TMC1: variants seen among roughly 807,000 people sequenced by gnomAD.
TMC1 encodes transmembrane channel-like protein 1.
A neutral mutation model predicts 105.8 loss-of-function variants in TMC1; 84 were observed. The ratio of observed to expected loss-of-function variants is 0.79; its 90% CI spans 0.67 to 0.95. TMC1 has a LOEUF of 0.95. Among genes scored for constraint, TMC1 ranks in the 40% least tolerant of loss-of-function variants. The pLI is 0.00. For missense variants in TMC1, 817 were observed against 914.1 expected (o/e 0.89, Z 1.37); for synonymous variants, 315 against 311.5 (o/e 1.01, Z -0.12).
At chr9:72,569,172 T>C (rs1824223632) in intron 1 of TMC1, among the ~76,000 whole-genome samples, 1 of 152,236 alleles carries the variant, frequency 6.6e-6, no homozygotes, top group African/African-American at 2.4e-5. Context: ...CTGTATACTT[T>C]AAATCATCTT....
At chr9:72,606,673 C>CT (rs552560383) in intron 2 of TMC1, among the ~76,000 whole-genome samples, 10 of 151,982 alleles carry the variant, frequency 6.6e-5, no homozygotes, top group African/African-American at 2.2e-4. Context: ...AAAATACTTA[C>CT]TTTTTTTGTC....
intron 23 of TMC1, among the ~76,000 whole-genome samples, chr9:72,834,877 T>C (rs1829096776): frequency 6.6e-6 from 1 of 152,184 alleles, no homozygotes; most frequent in South Asian, 2.1e-4. Context: ...GCTTGACTGC[T>C]TCTTAACAGC....
At chr9:72,719,216 A>G (rs1338552861) in intron 8 of TMC1, among the ~76,000 whole-genome samples, 2 of 152,042 alleles carry the variant, frequency 1.3e-5, no homozygotes, top group African/African-American at 4.8e-5. Context: ...GAAACTTCAC[A>G]TTTGGTTGGA....
rs376422017 is a variant in TMC1 at position 72,820,924 on chromosome 9, G to A, written c.1846G>A (p.Val616Ile). The A allele has an allele frequency of 7.1e-5, 114 of 1,614,112 alleles. No homozygotes were observed. Among genetic ancestry groups the A allele is most frequent in the Middle Eastern group, 1.6e-4 (1 of 6,062 alleles). The change falls in exon 20 of 24, where the codon GTT becomes ATT. Residue 616 changes from valine to isoleucine, a missense_variant. Coordinates refer to ENST00000297784, the MANE Select transcript of TMC1 (RefSeq NM_138691.3). ...HTSMYFQCWA[V>I]MCCNVPEARV... The stretch of plus-strand genomic sequence containing the variant: ...ATCCATGTACTTCCAGTGCTGGGCC[G>A]TTATGTGCTGCAATGTTCCTGAGGC...
At chr9:72,546,898 A>G (rs1823777622) in intron 1 of TMC1, among the ~76,000 whole-genome samples, 1 of 152,238 alleles carries the variant, frequency 6.6e-6, no homozygotes, top group Non-Finnish European at 1.5e-5. Flanking sequence ...TACTGTGTGC[A>G]TAGCTTCAAA....
intron 18 of TMC1, 149 bp downstream of exon 18, chr9:72,805,659 G>A (rs1828562831): frequency 1.4e-6 from 1 of 715,770 alleles, no homozygotes; most frequent in Non-Finnish European, 2.1e-6. Context: ...GTGAACAAAG[G>A]TCTCTGGTTT....
At chr9:72,762,371 T>A (rs1470153691) in intron 12 of TMC1, among the ~76,000 whole-genome samples, 1 of 152,186 alleles carries the variant, frequency 6.6e-6, no homozygotes, top group Non-Finnish European at 1.5e-5. Flanking sequence ...AAAGGAGAGC[T>A]GAGCAGCACG....
intron 21 of TMC1, among the ~76,000 whole-genome samples, chr9:72,827,485 G>C (rs1052451460): frequency 6.6e-6 from 1 of 152,214 alleles, no homozygotes; most frequent in Non-Finnish European, 1.5e-5. Flanking sequence ...CTTGTTGTTA[G>C]AGGGCCGCCA....
chr9:72,533,712 T>C (rs1299107807), intron 1 of TMC1, among the ~76,000 whole-genome samples: 1 of 152,186 alleles, frequency 6.6e-6, no homozygotes, highest in Non-Finnish European at 1.5e-5. Flanking sequence ...CAGAACAAAC[T>C]GGACCAAAGA....
chr9:72,609,444 G>A (rs1231579398), intron 2 of TMC1, among the ~76,000 whole-genome samples: 1 of 152,120 alleles, frequency 6.6e-6, no homozygotes, highest in Non-Finnish European at 1.5e-5. Context: ...GAAGGGTGAG[G>A]TGGGCGAATC....
chr9:72,625,097 A>T (rs1825322363), intron 3 of TMC1, among the ~76,000 whole-genome samples: 1 of 152,136 alleles, frequency 6.6e-6, no homozygotes, highest in East Asian at 1.9e-4. Context: ...CTCCCCTTGA[A>T]TCTAAATGGG....
At chr9:72,782,444 G>A (rs541007466) in intron 13 of TMC1, among the ~76,000 whole-genome samples, 87 of 152,132 alleles carry the variant, frequency 5.7e-4, no homozygotes, top group South Asian at 1.7e-3. Context: ...AACATAGTAC[G>A]GGAAGTCCTA....
At chr9:72,758,279 C>T (rs1233889383) in intron 12 of TMC1, among the ~76,000 whole-genome samples, 3 of 152,090 alleles carry the variant, frequency 2.0e-5, no homozygotes, top group African/African-American at 4.8e-5. Flanking sequence ...CTACAATAAG[C>T]TAATAATTGA....
Position 72,530,964 on chromosome 9 carries a change from G to A in TMC1, c.-428+9051G>A, listed in dbSNP as rs1235110468. ...GCCTCTCAAGTAGCTGGGACTACAGGCGCCTGCCACCACGCCCAGCTAATT... is the reference window on the plus strand; with the variant it reads ...GCCTCTCAAGTAGCTGGGACTACAGACGCCTGCCACCACGCCCAGCTAATT... On this transcript the variant is annotated intron_variant, in intron 1 of 23. Coordinates refer to ENST00000297784, the MANE Select transcript of TMC1 (RefSeq NM_138691.3). 2.0e-5 allele frequency among the ~76,000 whole-genome samples: 3 copies of A among 151,456 alleles called. No homozygotes were observed. The East Asian group carries it at 5.8e-4, about 29-fold the overall frequency.
intron 8 of TMC1, among the ~76,000 whole-genome samples, chr9:72,732,176 C>T (rs140051607): frequency 6.6e-6 from 1 of 152,288 alleles, no homozygotes; most frequent in African/African-American, 2.4e-5. Flanking sequence ...CATTGATGCA[C>T]ACTACTTTTA....
At chr9:72,817,311 T>C (rs937676939) in intron 19 of TMC1, 2 of 152,208 alleles carry the variant, frequency 1.3e-5, no homozygotes, top group Non-Finnish European at 2.9e-5. Context: ...ATCTAATTTT[T>C]ATTCCCTTCC....
At chr9:72,570,087 CT>C (rs1257336416) in intron 1 of TMC1, among the ~76,000 whole-genome samples, 1 of 152,012 alleles carries the variant, frequency 6.6e-6, no homozygotes, top group Non-Finnish European at 1.5e-5. Flanking sequence ...TTTTTTAGAT[CT>C]TTGTGAATGT....
At chr9:72,675,061 A>G (rs1826181647) in intron 5 of TMC1, among the ~76,000 whole-genome samples, 1 of 152,204 alleles carries the variant, frequency 6.6e-6, no homozygotes, top group African/African-American at 2.4e-5. Flanking sequence ...AAATCTTTCA[A>G]CTAAATCTTT....
At chr9:72,675,773 A>AC (rs1826193165) in intron 5 of TMC1, among the ~76,000 whole-genome samples, 1 of 152,106 alleles carries the variant, frequency 6.6e-6, no homozygotes, top group Non-Finnish European at 1.5e-5. Context: ...TTACTAAGTG[A>AC]CCCCACCCCA....
Sources: allele counts gnomAD v4.1 joint callset (sites outside exome capture counted in the v4.1 genomes callset), GRCh38; gene constraint gnomAD v4.1.1; transcripts MANE v1.5; gene names NCBI Gene and HGNC (gene_info 2026-07-23, HGNC 2026-07-21).